Variants in TMEM232 observed in about 807,000 individuals in gnomAD.
The protein encoded by TMEM232 is transmembrane protein 232.
TMEM232 carries 80 observed loss-of-function variants against 78.8 expected under a neutral mutation model. The observed-to-expected ratio is 1.01, with a 90% CI of 0.85 to 1.22. The LOEUF (loss-of-function observed/expected upper bound fraction) is 1.22, where lower values mean the gene tolerates loss of function less well. Among genes scored for constraint, TMEM232 ranks in the 50% most tolerant of loss-of-function variants. The pLI is 0.00. For synonymous variants in TMEM232, 297 were observed against 254.3 expected, an observed-to-expected ratio of 1.17 and a Z score of -1.60; for missense variants, 881 against 742.2, an observed-to-expected ratio of 1.19 and a Z score of -2.17.
chr5:110,671,792 G>A (rs137977769), intron 1 of TMEM232, among the ~76,000 whole-genome samples: 2,896 of 152,202 alleles, frequency 0.019, 79 homozygotes, highest in African/African-American at 0.067. Flanking sequence ...AATACTTAAT[G>A]TAGATGATGG....
intron 1 of TMEM232, among the ~76,000 whole-genome samples, chr5:110,692,175 C>T (rs148173323): frequency 7.9e-4 from 121 of 152,306 alleles, no homozygotes; most frequent in Middle Eastern, 6.8e-3. Flanking sequence ...CCGCCTCGGC[C>T]TCCAAAAGTG....
At chr5:110,688,871 A>G (rs1429962203) in intron 1 of TMEM232, among the ~76,000 whole-genome samples, 1 of 152,182 alleles carries the variant, frequency 6.6e-6, no homozygotes, top group Non-Finnish European at 1.5e-5. Flanking sequence ...GTGAGCTGCT[A>G]AAACTTCACC....
chr5:110,531,137 CTG>C (rs886354498), intron 11 of TMEM232, among the ~76,000 whole-genome samples: 3 of 149,904 alleles, frequency 2.0e-5, no homozygotes, highest in African/African-American at 7.4e-5. Flanking sequence ...ACTGAGCACC[CTG>C]TGACCCCCAC....
intron 2 of TMEM232, among the ~76,000 whole-genome samples, chr5:110,653,116 T>C (rs1162000601): frequency 6.6e-6 from 1 of 152,184 alleles, no homozygotes; most frequent in Non-Finnish European, 1.5e-5. Context: ...CGCTAGAAGA[T>C]AAATCAGGCC....
At chr5:110,695,473 A>G (rs1794656335) in intron 1 of TMEM232, among the ~76,000 whole-genome samples, 2 of 152,254 alleles carry the variant, frequency 1.3e-5, no homozygotes, top group Admixed American at 6.5e-5. Flanking sequence ...TGAAGGGAAT[A>G]GAGACACAAA....
intron 2 of TMEM232, among the ~76,000 whole-genome samples, chr5:110,644,255 T>C (rs1202468260): frequency 6.6e-6 from 1 of 151,964 alleles, no homozygotes; most frequent in Non-Finnish European, 1.5e-5. Context: ...TAACATATTT[T>C]TGATCTATGT....
At chr5:110,600,893 G>A (rs745655195) in intron 10 of TMEM232, among the ~76,000 whole-genome samples, 11 of 152,140 alleles carry the variant, frequency 7.2e-5, no homozygotes, top group Non-Finnish European at 1.3e-4. Flanking sequence ...GATGAACACC[G>A]ATGTGAAAAT....
rs142389686 is a variant in TMEM232, at chr5:110,468,027, A to C, written c.1704-43111T>G. Among the ~76,000 whole-genome samples, 979 of 152,074 alleles carry C rather than the reference A, an allele frequency of 6.4e-3. 19 individuals are homozygous for C. The highest frequency in any genetic ancestry group is 0.022 in the African/African-American group (908 of 41,446). On this transcript the variant is annotated intron_variant, in intron 12 of 13. Transcript: ENST00000455884. ...TTTATAAGGACACCAGTCATATGGG[A>C]ATAGGGGCCCATTCCAATTCAGCAT... is the stretch of plus-strand genomic sequence containing the variant.
chr5:110,639,740 T>G, intron 4 of TMEM232, among the ~76,000 whole-genome samples: 1 of 152,236 alleles, frequency 6.6e-6, no homozygotes, highest in African/African-American at 2.4e-5. Context: ...ATAATTGATT[T>G]AGACCAGCAG....
At chr5:110,692,061 C>T (rs1794180769) in intron 1 of TMEM232, among the ~76,000 whole-genome samples, 1 of 152,126 alleles carries the variant, frequency 6.6e-6, no homozygotes, top group South Asian at 2.1e-4. Context: ...GCTGGGACTA[C>T]AGGCGCCCGC....
chr5:110,540,114 G>A (rs563249053), intron 11 of TMEM232, among the ~76,000 whole-genome samples: 3 of 152,206 alleles, frequency 2.0e-5, no homozygotes, highest in Admixed American at 6.5e-5. Context: ...TCCGCTCTTG[G>A]CATCCAAGGC....
intron 10 of TMEM232, among the ~76,000 whole-genome samples, chr5:110,603,743 C>T (rs1781230330): frequency 6.6e-6 from 1 of 151,738 alleles, no homozygotes; most frequent in South Asian, 2.1e-4. Flanking sequence ...AAAATTGGCA[C>T]CAATAAAAAA....
chr5:110,390,575 A>T (rs1755138905), exon 4 of TMEM232: 2 of 152,180 alleles, frequency 1.3e-5, no homozygotes, highest in African/African-American at 4.8e-5. Flanking sequence ...AGTAGATAGG[A>T]TCGTATGATG....
chr5:110,441,725 A>G (rs1261528628), intron 12 of TMEM232, among the ~76,000 whole-genome samples: 1 of 152,206 alleles, frequency 6.6e-6, no homozygotes, highest in African/African-American at 2.4e-5. Flanking sequence ...CAATGGAATG[A>G]GGATGGACTT....
At chr5:110,408,600 A>G (rs551430808) in intron 2 of TMEM232, among the ~76,000 whole-genome samples, 1 of 152,206 alleles carries the variant, frequency 6.6e-6, no homozygotes, top group East Asian at 1.9e-4. Context: ...AAAAAACAAA[A>G]CAAAACAGAG....
intron 2 of TMEM232, among the ~76,000 whole-genome samples, chr5:110,646,242 G>A (rs1039502109): frequency 6.6e-6 from 1 of 151,668 alleles, no homozygotes; most frequent in Non-Finnish European, 1.5e-5. Context: ...ACATTCATAT[G>A]GAACTACAAA....
At chr5:110,706,217 A>C (rs1428811939) in intron 1 of TMEM232, among the ~76,000 whole-genome samples, 1 of 152,206 alleles carries the variant, frequency 6.6e-6, no homozygotes, top group South Asian at 2.1e-4. Flanking sequence ...TTCTAAATGA[A>C]ATCAAAGATA....
chr5:110,611,406 C>G (rs1386951363), intron 8 of TMEM232, among the ~76,000 whole-genome samples: 1 of 152,036 alleles, frequency 6.6e-6, no homozygotes. Context: ...TACAGGACTT[C>G]ATTCTTTGAG....
intron 6 of TMEM232, among the ~76,000 whole-genome samples, chr5:110,626,829 G>A (rs150208171): frequency 2.2e-4 from 34 of 152,028 alleles, no homozygotes; most frequent in Middle Eastern, 3.4e-3. Flanking sequence ...TGACAATGTT[G>A]ATCTTGAATT....
Sources: allele counts gnomAD v4.1 joint callset (sites outside exome capture counted in the v4.1 genomes callset), GRCh38; gene constraint gnomAD v4.1.1; transcripts MANE v1.5; gene names NCBI Gene and HGNC (gene_info 2026-07-23, HGNC 2026-07-21).